Variants in LINGO2 observed in about 807,000 individuals in gnomAD.
The protein encoded by LINGO2 is leucine rich repeat and Ig domain containing 2, also known as leucine-rich repeat and immunoglobulin-like domain-containing nogo receptor-interacting protein 2.
A neutral mutation model predicts 30.6 loss-of-function variants in LINGO2; 14 were observed. The observed-to-expected ratio is 0.46, with a 90% CI of 0.30 to 0.72. The LOEUF is 0.72. LINGO2 is among the 30% of genes least tolerant of loss of function. The pLI, the probability that LINGO2 is intolerant of heterozygous loss-of-function variation, is 0.07. For missense variants in LINGO2, 729 were observed against 751.7 expected, an observed-to-expected ratio of 0.97 and a Z score of 0.35; for synonymous variants, 317 against 288.5, an observed-to-expected ratio of 1.10 and a Z score of -1.00.
intron 1 of LINGO2, among the ~76,000 whole-genome samples, chr9:28,476,346 G>A (rs1456562733): frequency 1.3e-5 from 2 of 152,192 alleles, no homozygotes; most frequent in African/African-American, 2.4e-5. Context: ...CACAATGTCT[G>A]CTCACTGCAG....
At chr9:28,730,492 G>T in the LINGO2 span, among the ~76,000 whole-genome samples, 6 of 152,156 alleles carry the variant, frequency 3.9e-5, no homozygotes, top group African/African-American at 1.4e-4. Context: ...TTCAGCAAAA[G>T]TCCATCTAAA....
chr9:28,411,919 C>A (rs1339036276), intron 2 of LINGO2, among the ~76,000 whole-genome samples: 1 of 151,982 alleles, frequency 6.6e-6, no homozygotes, highest in Non-Finnish European at 1.5e-5. Flanking sequence ...CAAGTTCTTG[C>A]CAAAACTTGT....
the LINGO2 span, among the ~76,000 whole-genome samples, chr9:28,875,511 C>T: frequency 6.6e-6 from 1 of 152,008 alleles, no homozygotes; most frequent in African/African-American, 2.4e-5. Context: ...TCAAGAGTAT[C>T]CTTTATAGCT....
chr9:28,199,351 T>TCCTCCTCCTCCTCCTCC (rs1290385489), intron 4 of LINGO2, among the ~76,000 whole-genome samples: 46 of 149,812 alleles, frequency 3.1e-4, no homozygotes, highest in Non-Finnish European at 3.3e-4. Flanking sequence ...CTTCTTTTTT[T>TCCTCCTCCTCCTCCTCC]TTTTTTGAGA....
At chr9:28,438,300 CA>C in intron 2 of LINGO2, among the ~76,000 whole-genome samples, 2 of 152,216 alleles carry the variant, frequency 1.3e-5, no homozygotes, top group Admixed American at 1.3e-4. Context: ...TTTAAATCAG[CA>C]GATCTAGTAA....
At chr9:28,593,751 G>T (rs964006484) in intron 1 of LINGO2, among the ~76,000 whole-genome samples, 5 of 151,986 alleles carry the variant, frequency 3.3e-5, no homozygotes, top group Non-Finnish European at 4.4e-5. Flanking sequence ...CCAAAGGCAG[G>T]GTTGAACCAC....
intron 3 of LINGO2, among the ~76,000 whole-genome samples, chr9:28,298,448 G>T (rs1444373904): frequency 6.6e-6 from 1 of 150,560 alleles, no homozygotes; most frequent in Non-Finnish European, 1.5e-5. Flanking sequence ...TGGATCACGA[G>T]GTCAAGAGAT....
chr9:28,410,304 C>T (rs1286726270), intron 2 of LINGO2, among the ~76,000 whole-genome samples: 1 of 152,046 alleles, frequency 6.6e-6, no homozygotes, highest in Non-Finnish European at 1.5e-5. Flanking sequence ...TTAGGATTTA[C>T]ATGAACTACT....
chr9:28,766,991 CAGAAA>C, the LINGO2 span, among the ~76,000 whole-genome samples: 3 of 151,922 alleles, frequency 2.0e-5, no homozygotes, highest in Non-Finnish European at 4.4e-5. Context: ...GAATGTGTTA[CAGAAA>C]AGTACTGCAT....
At chr9:29,037,382 CATGATAATTGA>C in the LINGO2 span, among the ~76,000 whole-genome samples, 2 of 151,772 alleles carry the variant, frequency 1.3e-5, no homozygotes, top group African/African-American at 4.8e-5. Flanking sequence ...TGTATTGTGA[CATGATAATTGA>C]AGTTTTAGTG....
chr9:28,968,192 T>C, the LINGO2 span, among the ~76,000 whole-genome samples: 2 of 152,154 alleles, frequency 1.3e-5, no homozygotes, highest in Non-Finnish European at 2.9e-5. Context: ...ACAAAATTGA[T>C]AAATAATTAA....
chr9:29,056,173 C>G, the LINGO2 span, among the ~76,000 whole-genome samples: 4 of 151,978 alleles, frequency 2.6e-5, no homozygotes, highest in African/African-American at 9.7e-5. Context: ...TTTAAGGAAT[C>G]TCCATAGTTT....
intron 2 of LINGO2, among the ~76,000 whole-genome samples, chr9:28,454,018 C>A (rs16913121): frequency 0.024 from 3,710 of 152,000 alleles, 142 homozygotes; most frequent in African/African-American, 0.082. Context: ...TAAAATGGAC[C>A]AAGGAGTTGG....
the LINGO2 span, among the ~76,000 whole-genome samples, chr9:28,883,628 G>GTGTGTGTATA: frequency 5.0e-3 from 320 of 64,042 alleles, 2 homozygotes; most frequent in East Asian, 0.016. Context: ...ATGTGTGTGT[G>GTGTGTGTATA]TATATATATA....
At chr9:28,637,159 C>A (rs1283013905) in intron 1 of LINGO2, among the ~76,000 whole-genome samples, 1 of 152,082 alleles carries the variant, frequency 6.6e-6, no homozygotes, top group African/African-American at 2.4e-5. Context: ...TTTCAGGGCT[C>A]TGTTCTGTTC....
At chr9:28,185,685 T>A (rs1391202393) in intron 4 of LINGO2, among the ~76,000 whole-genome samples, 2 of 152,160 alleles carry the variant, frequency 1.3e-5, no homozygotes, top group Non-Finnish European at 2.9e-5. Context: ...TTTCTCCTCA[T>A]AGATTTTGTT....
the LINGO2 span, among the ~76,000 whole-genome samples, chr9:28,694,069 C>A: frequency 6.6e-5 from 10 of 151,588 alleles, no homozygotes; most frequent in African/African-American, 2.2e-4. Flanking sequence ...GCTATAACTT[C>A]TGCGGTCCAG....
intron 1 of LINGO2, among the ~76,000 whole-genome samples, chr9:28,535,646 T>C (rs1299304867): frequency 6.6e-6 from 1 of 151,958 alleles, no homozygotes; most frequent in African/African-American, 2.4e-5. Context: ...AAATACTGAA[T>C]AATACCACAT....
At chr9:27,964,828 G>T (rs186054103) in intron 5 of LINGO2, among the ~76,000 whole-genome samples, 25 of 152,152 alleles carry the variant, frequency 1.6e-4, no homozygotes, top group African/African-American at 5.8e-4. Context: ...ATTCTGGCTT[G>T]TTGAGTAGTT....
Sources: gnomAD v4.1 joint callset for allele counts (sites outside exome capture counted in the v4.1 genomes callset) on GRCh38, gnomAD v4.1.1 for gene constraint, MANE v1.5 for transcripts, NCBI Gene and HGNC (gene_info 2026-07-23, HGNC 2026-07-21) for gene names.